The following KMT2C variants were observed in gnomAD, a reference collection of about 807,000 sequenced individuals.
KMT2C encodes the protein histone-lysine N-methyltransferase 2C.
KMT2C carries 88 observed loss-of-function variants against 507.9 expected under a neutral mutation model. The ratio of observed to expected loss-of-function variants is 0.17; its 90% confidence interval spans 0.15 to 0.21. The LOEUF is 0.21. Ranked by LOEUF, KMT2C falls within the 10% of genes least tolerant of loss-of-function variation. The pLI, the probability that KMT2C is intolerant of heterozygous loss-of-function variation, is 1.00. For missense variants in KMT2C, 4,954 were observed against 5,957.8 expected (o/e 0.83, Z 5.55); for synonymous variants, 2,049 against 2,080.8 (o/e 0.98, Z 0.42).
At chr7:152,281,423 T>C (rs1475631192) in intron 6 of KMT2C, among the ~76,000 whole-genome samples, 2 of 152,094 alleles carry the variant, frequency 1.3e-5, no homozygotes, top group African/African-American at 4.8e-5. Context: ...GCCAAGTACT[T>C]TATAAGAATT....
intron 1 of KMT2C, among the ~76,000 whole-genome samples, chr7:152,397,965 C>A (rs2097547137): frequency 6.6e-6 from 1 of 152,138 alleles, no homozygotes; most frequent in Non-Finnish European, 1.5e-5. Context: ...AACACTCATT[C>A]TTGTTTTGAG....
intron 6 of KMT2C, among the ~76,000 whole-genome samples, chr7:152,280,445 G>T (rs1328543733): frequency 2.0e-5 from 3 of 152,254 alleles, no homozygotes; most frequent in African/African-American, 7.2e-5. Flanking sequence ...CGGCCACCTG[G>T]GAGGCTGAGG....
intron 7 of KMT2C, among the ~76,000 whole-genome samples, chr7:152,267,856 A>G (rs564526216): frequency 6.6e-6 from 1 of 152,230 alleles, no homozygotes; most frequent in East Asian, 1.9e-4. Flanking sequence ...AGAACCACTC[A>G]CTATCTCGTG....
At chr7:152,308,553 T>C (rs181573793) in intron 6 of KMT2C, among the ~76,000 whole-genome samples, 1 of 150,838 alleles carries the variant, frequency 6.6e-6, no homozygotes, top group East Asian at 2.0e-4. Context: ...CACGAGCCTA[T>C]AATCCAATCT....
chr7:152,235,207 GTATA>G (rs71533554), intron 16 of KMT2C, among the ~76,000 whole-genome samples: 1 of 142,410 alleles, frequency 7.0e-6, no homozygotes, highest in Admixed American at 7.0e-5. Context: ...TTTCAAGGGT[GTATA>G]TATATATATA....
rs2092569583 is a variant in KMT2C, at chr7:152,163,533, A to C, written c.10044T>G (p.Pro3348=). Residue 3348 remains proline, a synonymous_variant, in exon 43 of 59, where the codon CCT becomes CCG. Coordinates refer to ENST00000262189, the MANE Select transcript of KMT2C (RefSeq NM_170606.3). ...NSAPAHLPLN[P]PRIQPPIAQL... ...GGGCAATTGGGGGCTGAATTCTAGG[A>C]GGATTGAGGGGCAGGTGGGCAGGAG... 1.2e-6 allele frequency: 2 copies of C among 1,611,802 alleles called. No homozygotes were observed. Among genetic ancestry groups the C allele is most frequent in the East Asian group, 4.5e-5 (2 of 44,846 alleles).
chr7:152,315,490 C>G (rs1204895897), intron 3 of KMT2C, 152 bp from the exon 4 acceptor site: 1 of 578,876 alleles, frequency 1.7e-6, no homozygotes, highest in African/African-American at 1.9e-5. Context: ...CAGTGATTAC[C>G]CATAAGAACA....
intron 49 of KMT2C, 119 bp from the exon 50 acceptor site, chr7:152,151,700 T>C: frequency 1.4e-6 from 1 of 690,214 alleles, no homozygotes; most frequent in Non-Finnish European, 2.2e-6. Context: ...TATTCTTTAA[T>C]TAATAAAAAA....
intron 6 of KMT2C, among the ~76,000 whole-genome samples, chr7:152,277,270 G>C (rs551530250): frequency 9.3e-4 from 142 of 152,150 alleles, no homozygotes; most frequent in Middle Eastern, 6.8e-3. Flanking sequence ...TCTTTTTTTA[G>C]TATTAGGCAA....
intron 1 of KMT2C, among the ~76,000 whole-genome samples, chr7:152,385,410 A>G (rs2116501359): frequency 7.4e-6 from 1 of 135,994 alleles, no homozygotes; most frequent in East Asian, 2.1e-4. Flanking sequence ...CAGGAGATCG[A>G]GACCATCCCG....
At chr7:152,151,149 T>C (rs2091587024) in intron 50 of KMT2C, 142 bp from the exon 51 acceptor site, 1 of 645,588 alleles carries the variant, frequency 1.5e-6, no homozygotes, top group Admixed American at 3.1e-5. Context: ...TGTTCCAATA[T>C]TTAGCATGTG....
intron 5 of KMT2C, 123 bp downstream of exon 5, chr7:152,311,675 T>G (rs2096672729): frequency 1.4e-6 from 1 of 724,420 alleles, no homozygotes; most frequent in African/African-American, 1.8e-5. Context: ...TAATGATTTT[T>G]TTATAGTATG....
Position 152,348,363 on chromosome 7 carries a change from G to A in KMT2C, c.250+10224C>T, listed in dbSNP as rs535087006. Among the ~76,000 whole-genome samples the A allele has an allele frequency of 1.8e-4, 27 of 152,006 alleles. No homozygotes were observed. In the South Asian group the frequency reaches 3.8e-3, roughly 21 times the overall value. On this transcript the variant is annotated intron_variant, in intron 2 of 58. Transcript: ENST00000262189. ...TGTAATCCTAGCACTTTGGGAGGCC[G>A]AGGCAGGTGGATCACCTGAGGTCAG...
At chr7:152,337,044 A>C (rs1009102188) in intron 2 of KMT2C, among the ~76,000 whole-genome samples, 5 of 152,150 alleles carry the variant, frequency 3.3e-5, no homozygotes, top group African/African-American at 1.2e-4. Context: ...TAATCCCAGC[A>C]CTTTGGGAAG....
chr7:152,292,895 A>G (rs1390392523), intron 6 of KMT2C, among the ~76,000 whole-genome samples: 1 of 152,120 alleles, frequency 6.6e-6, no homozygotes, highest in Non-Finnish European at 1.5e-5. Flanking sequence ...TACCCTCTGA[A>G]TTCTCACTCC....
At chr7:152,281,042 T>C (rs2096199600) in intron 6 of KMT2C, among the ~76,000 whole-genome samples, 1 of 152,160 alleles carries the variant, frequency 6.6e-6, no homozygotes, top group Non-Finnish European at 1.5e-5. Context: ...AAGTAATCTC[T>C]CTATTTGTAA....
At chr7:152,337,219 C>G (rs756903599) in intron 2 of KMT2C, among the ~76,000 whole-genome samples, 88 of 152,076 alleles carry the variant, frequency 5.8e-4, no homozygotes, top group Non-Finnish European at 8.8e-4. Flanking sequence ...GCAGCTGCAC[C>G]AAGATCACAC....
chr7:152,179,869 A>G lies in KMT2C; in HGVS notation c.7407T>C (p.Asp2469=). 1 of 1,614,102 alleles carries G rather than the reference A, an allele frequency of 6.2e-7. No homozygotes were observed. Among genetic ancestry groups the G allele is most frequent in the African/African-American group, 1.3e-5 (1 of 75,032 alleles). The change falls in exon 37 of 59, where the codon GAT becomes GAC. Residue 2469 remains aspartate, a synonymous_variant. Coordinates refer to ENST00000262189, the MANE Select transcript of KMT2C (RefSeq NM_170606.3). ...GAGGTCTCATCCCCATACTAGCAAC[A>G]TCAGGAGGATAGGGTCCACGCTGAT... is the stretch of plus-strand genomic sequence containing the variant. ...PKDQRGPYPP[D]VASMGMRPHG...
chr7:152,147,452 G>A (rs1251763326), intron 52 of KMT2C, among the ~76,000 whole-genome samples: 1 of 152,096 alleles, frequency 6.6e-6, no homozygotes. Flanking sequence ...GGGTGGCTGA[G>A]GCAGGTGGAT....
Sources: allele counts gnomAD v4.1 joint callset (sites outside exome capture counted in the v4.1 genomes callset), GRCh38; gene constraint gnomAD v4.1.1; transcripts MANE v1.5; gene names NCBI Gene and HGNC (gene_info 2026-07-23, HGNC 2026-07-21).